Variants in DST observed in about 807,000 individuals in gnomAD.
DST encodes bullous pemphigoid antigen.
Under a neutral mutation model 875.2 loss-of-function variants are expected in DST, and 253 were observed. The ratio of observed to expected loss-of-function variants is 0.29; its 90% confidence interval spans 0.26 to 0.32. The LOEUF (loss-of-function observed/expected upper bound fraction) is 0.32. Ranked by LOEUF, DST falls within the 10% of genes least tolerant of loss-of-function variation. The pLI, the probability that DST is intolerant of heterozygous loss-of-function variation, is 1.00. For synonymous variants in DST, 3,124 were observed against 3,197.1 expected (o/e 0.98, Z 0.77); for missense variants, 8,287 against 9,111.6 (o/e 0.91, Z 3.68).
At position 56,560,281 on chromosome 6, in the gene DST, T is replaced by A; in HGVS notation, c.14440+13A>T. 5.7e-6 allele frequency: 9 copies of A among 1,585,452 alleles called. No homozygotes were observed. Among genetic ancestry groups the A allele is most frequent in the Non-Finnish European group, 6.9e-6 (8 of 1,165,016 alleles). On this transcript the variant is annotated intron_variant, in intron 58 of 103. Coordinates refer to ENST00000680361, the MANE Select transcript of DST (RefSeq NM_001374736.1). ...TTTTCTTCATAGGCATTCATCTAAGTAACGCAACATACCTATTTCTGTCAA... is the reference window on the plus strand; with the variant it reads ...TTTTCTTCATAGGCATTCATCTAAGAAACGCAACATACCTATTTCTGTCAA...
chr6:56,753,269 G>A (rs985544902), intron 4 of DST, among the ~76,000 whole-genome samples: 5 of 152,184 alleles, frequency 3.3e-5, no homozygotes, highest in Non-Finnish European at 5.9e-5. Flanking sequence ...GATATGCCAT[G>A]CTAAAAAGCT....
intron 4 of DST, among the ~76,000 whole-genome samples, chr6:56,828,850 C>A (rs185693697): frequency 2.2e-4 from 34 of 152,184 alleles, no homozygotes; most frequent in South Asian, 4.2e-4. Context: ...TAGTTCTGTA[C>A]CCTATATTAT....
chr6:56,693,144 C>T (rs1224172932), intron 9 of DST: 3 of 1,281,468 alleles, frequency 2.3e-6, no homozygotes, highest in Non-Finnish European at 3.0e-6. Context: ...CACAGACATT[C>T]CCCATTTGAT....
At chr6:56,615,666 T>G in intron 36 of DST, 1 of 1,614,138 alleles carries the variant, frequency 6.2e-7, no homozygotes, top group South Asian at 1.1e-5. Flanking sequence ...ATTATATTTC[T>G]GACATATGAC....
At chr6:56,496,653 G>C (rs1444060111) in intron 82 of DST, among the ~76,000 whole-genome samples, 1 of 151,882 alleles carries the variant, frequency 6.6e-6, no homozygotes, top group Non-Finnish European at 1.5e-5. Context: ...ACCCATACAG[G>C]CTTATTTTGT....
intron 4 of DST, among the ~76,000 whole-genome samples, chr6:56,770,093 T>A (rs139852852): frequency 1.7e-3 from 258 of 152,344 alleles, no homozygotes; most frequent in African/African-American, 5.7e-3. Context: ...AATCTGCCCT[T>A]CAGAGCATCC....
intron 3 of DST, among the ~76,000 whole-genome samples, chr6:56,866,481 T>C (rs1774185443): frequency 6.6e-6 from 1 of 152,234 alleles, no homozygotes; most frequent in African/African-American, 2.4e-5. Flanking sequence ...AACCCTCCTG[T>C]GGCTTTCCAC....
chr6:56,676,751 G>A (rs901023485), intron 9 of DST, among the ~76,000 whole-genome samples: 1 of 151,210 alleles, frequency 6.6e-6, no homozygotes, highest in Non-Finnish European at 1.5e-5. Flanking sequence ...TGAAACTGGA[G>A]GGAATGTTAA....
At chr6:56,898,663 C>T (rs978952526) in intron 3 of DST, among the ~76,000 whole-genome samples, 1 of 152,210 alleles carries the variant, frequency 6.6e-6, no homozygotes, top group Non-Finnish European at 1.5e-5. Context: ...CCAGCACCAC[C>T]TCAAGCTGTT....
chr6:56,471,112 A>G lies in DST; in HGVS notation c.22315T>C (p.Ser7439Pro). Residue 7439 changes from serine to proline, a missense_variant, in exon 95 of 104, where the codon TCC (serine) becomes CCC (proline). This residue lies in a region of DST where 87 missense variants were observed against 209.7 expected (regional missense o/e 0.41). Coordinates refer to ENST00000680361, the MANE Select transcript of DST (RefSeq NM_001374736.1). ...TRQEFIDGIL[S>P]SKFPTSRLEM... ...CATCTGTCTTGGAACTTACTTGAGG[A>G]AAGAATTCCATCAATAAATTCCTGC... is the stretch of plus-strand genomic sequence containing the variant. The G allele has an allele frequency of 6.2e-7, 1 of 1,611,376 alleles. No individual in the cohort carries two copies. The highest frequency in any genetic ancestry group is 8.5e-7 in the Non-Finnish European group (1 of 1,178,676).
At chr6:56,635,005 T>A (rs1415417290) in intron 24 of DST, 52 bp from the exon 25 acceptor site, 1 of 1,430,970 alleles carries the variant, frequency 7.0e-7, no homozygotes, top group South Asian at 1.1e-5. Flanking sequence ...GTACTCTCCA[T>A]GCCTTCAGCA....
At chr6:56,566,628 G>C (rs1196973439) in intron 55 of DST, among the ~76,000 whole-genome samples, 1 of 152,098 alleles carries the variant, frequency 6.6e-6, no homozygotes, top group African/African-American at 2.4e-5. Context: ...CTGCAGACTG[G>C]AGCTGTTCCT....
intron 2 of DST, among the ~76,000 whole-genome samples, chr6:56,934,560 T>TTTTTTATATATATATA (rs869186436): frequency 9.4e-6 from 1 of 106,486 alleles, no homozygotes; most frequent in Non-Finnish European, 1.9e-5. Context: ...ATATATTATA[T>TTTTTTATATATATATA]TATATATATA....
intron 2 of DST, among the ~76,000 whole-genome samples, chr6:56,940,475 G>A (rs1051608783): frequency 1.6e-4 from 25 of 151,808 alleles, no homozygotes; most frequent in African/African-American, 5.6e-4. Flanking sequence ...TTACATTTTT[G>A]TAGCAATGTT....
intron 9 of DST, among the ~76,000 whole-genome samples, chr6:56,693,961 C>T (rs1449170114): frequency 6.6e-6 from 1 of 150,844 alleles, no homozygotes; most frequent in Non-Finnish European, 1.5e-5. Flanking sequence ...ATTATTAGGA[C>T]TTTAATGTGA....
At chr6:56,569,752 G>T in intron 54 of DST, 104 bp downstream of exon 54, 1 of 1,006,426 alleles carries the variant, frequency 9.9e-7, no homozygotes, top group Non-Finnish European at 1.5e-6. Flanking sequence ...ACATATATGA[G>T]GATAAAACTT....
chr6:56,480,224 CTTAAA>C (rs1216462233), intron 90 of DST, among the ~76,000 whole-genome samples: 1 of 152,138 alleles, frequency 6.6e-6, no homozygotes, highest in African/African-American at 2.4e-5. Flanking sequence ...AATATCATAA[CTTAAA>C]TTATCATTTT....
In DST at chr6:56,802,901, G is replaced by A. The variant is rs142769341; in HGVS notation, c.625+48496C>T. Among the ~76,000 whole-genome samples, 766 of 152,222 alleles carry A rather than the reference G, an allele frequency of 5.0e-3. 4 individuals carry two copies. The highest frequency in any genetic ancestry group is 0.017 in the African/African-American group (716 of 41,516). ...CTTTTGAAAAGGTCAAATTCAATTC[G>A]AGAAAAGGGAAATCATTATACTTTA... is the stretch of plus-strand genomic sequence containing the variant. On this transcript the variant is annotated intron_variant, in intron 4 of 103. Transcript: ENST00000680361.
At chr6:56,497,084 C>G (rs2095938483) in intron 82 of DST, among the ~76,000 whole-genome samples, 1 of 151,924 alleles carries the variant, frequency 6.6e-6, no homozygotes, top group Non-Finnish European at 1.5e-5. Context: ...TTAATGGGTG[C>G]AGGACACCAG....
Sources: allele counts gnomAD v4.1 joint callset (sites outside exome capture counted in the v4.1 genomes callset), GRCh38; gene constraint gnomAD v4.1.1; regional missense constraint gnomAD v4.1.1; transcripts MANE v1.5; gene names NCBI Gene and HGNC (gene_info 2026-07-23, HGNC 2026-07-21).